PEX11G: variants seen among roughly 807,000 people sequenced by gnomAD.
The protein encoded by PEX11G is peroxisomal membrane protein 11C.
A neutral mutation model predicts 22.5 loss-of-function variants in PEX11G; 20 were observed. The observed-to-expected ratio is 0.89, with a 90% confidence interval of 0.62 to 1.29. The LOEUF (loss-of-function observed/expected upper bound fraction) is 1.29. Among genes scored for constraint, PEX11G ranks in the 50% most tolerant of loss-of-function variants. The pLI, the probability that PEX11G is intolerant of heterozygous loss-of-function variation, is 0.00. For synonymous variants in PEX11G, 141 were observed against 154.5 expected (o/e 0.91, Z 0.65); for missense variants, 347 against 331.3 (o/e 1.05, Z -0.37).
upstream of PEX11G, chr19:7,491,261 T>G (rs1260879799): frequency 6.9e-6 from 1 of 144,888 alleles, no homozygotes; most frequent in African/African-American, 2.6e-5. Context: ...TACCACTTCT[T>G]GATTTTTTTT....
rs148510273 is a variant in PEX11G at position 7,489,034 on chromosome 19, A to G, written c.-24T>C. 5 of 1,498,504 alleles carry G rather than the reference A, an allele frequency of 3.3e-6. No homozygotes were observed. The Admixed American group carries it at 6.7e-5, about 20-fold the overall frequency. 92.8% of individuals were successfully genotyped at this position (1,498,504 alleles called of 1,614,324 possible). On this transcript the variant is annotated 5_prime_UTR_variant, in exon 1 of 5. Transcript: ENST00000221480. ...ATGGCAACTCCGTGACGTCACCGCGACGTCGGCGCGCCGCGCCAGGGGGCG... is the reference window on the plus strand; with the variant it reads ...ATGGCAACTCCGTGACGTCACCGCGGCGTCGGCGCGCCGCGCCAGGGGGCG...
In PEX11G at chr19:7,482,203, G is replaced by T. The variant is rs765726661; in HGVS notation, c.258C>A (p.Asp86Glu). 1.8e-5 allele frequency: 28 copies of T among 1,565,056 alleles called. No individual in the cohort carries two copies. In the East Asian group the frequency reaches 4.3e-4, roughly 24 times the overall value. Residue 86 changes from aspartate to glutamate, a missense_variant, in exon 3 of 5, where the codon GAC (aspartate) becomes GAA (glutamate). Asp to Glu is a conservative substitution (Grantham distance 45, BLOSUM62 2). Transcript: ENST00000221480. Reference sequence around the variant, plus strand: ...GGACGGAGACACAGCGGACAAAGGCGTCCTCCTCCTGCAGGACCAGGAGCA... The same window carrying T: ...GGACGGAGACACAGCGGACAAAGGCTTCCTCCTCCTGCAGGACCAGGAGCA... ...KQYGLGAQEEDAFVRCVSVLG... is the reference protein window; with the variant it reads ...KQYGLGAQEEEAFVRCVSVLG...
chr19:7,481,770 G>T (rs1977497900), intron 3 of PEX11G, among the ~76,000 whole-genome samples: 1 of 150,894 alleles, frequency 6.6e-6, no homozygotes, highest in African/African-American at 2.4e-5. Context: ...AGCCCAGGGA[G>T]TGTTCTGACT....
At chr19:7,490,421 C>T (rs2021855281), upstream of PEX11G, among the ~76,000 whole-genome samples, 2 of 151,266 alleles carry the variant, frequency 1.3e-5, no homozygotes, top group Non-Finnish European at 1.5e-5. Context: ...CGCGGGTTCA[C>T]GCCATTCTTC....
At chr19:7,492,500 G>A (rs2021907969), upstream of PEX11G, among the ~76,000 whole-genome samples, 1 of 151,856 alleles carries the variant, frequency 6.6e-6, no homozygotes, top group African/African-American at 2.4e-5. Flanking sequence ...CTGGAGTGCA[G>A]TGCTGATCTC....
chr19:7,479,685 C>T (rs1386947644), intron 3 of PEX11G, among the ~76,000 whole-genome samples: 1 of 152,258 alleles, frequency 6.6e-6, no homozygotes, highest in Non-Finnish European at 1.5e-5. Context: ...AAGAATGCCG[C>T]AGCAGGCGGG....
intron 3 of PEX11G, among the ~76,000 whole-genome samples, chr19:7,481,717 C>T (rs918867814): frequency 1.3e-5 from 2 of 152,172 alleles, no homozygotes; most frequent in African/African-American, 2.4e-5. Flanking sequence ...GGAAACGGAC[C>T]TCCCCCTGGG....
chr19:7,484,515 G>A (rs144047607), intron 2 of PEX11G, among the ~76,000 whole-genome samples: 2 of 152,172 alleles, frequency 1.3e-5, no homozygotes, highest in African/African-American at 4.8e-5. Flanking sequence ...GCGCACACCT[G>A]TAATCCCAGC....
intron 3 of PEX11G, among the ~76,000 whole-genome samples, chr19:7,478,899 C>T (rs1811437446): frequency 6.6e-6 from 1 of 152,306 alleles, no homozygotes; most frequent in Non-Finnish European, 1.5e-5. Context: ...CTGGCATCTG[C>T]AGGCTGAGGA....
At position 7,488,980 on chromosome 19, in the gene PEX11G, G is replaced by C. The variant is rs760713078; in HGVS notation, c.31C>G (p.Leu11Val). 1 of 1,551,382 alleles carries C rather than the reference G, an allele frequency of 6.4e-7. No individual in the cohort carries two copies. The highest frequency in any genetic ancestry group is 1.9e-5 in the Admixed American group (1 of 52,360). The change falls in exon 1 of 5, where the codon CTG becomes GTG. Residue 11 changes from leucine (L) to valine (V), a missense_variant. Leu to Val is a conservative substitution (Grantham distance 32). Transcript: ENST00000221480. MASLSGLASA[L>V]ESYRGRDRLI... ...CGGTCCCGGCCCCTGTACGACTCCA[G>C]CGCCGACGCCAGGCCGCTCAGCGAC...
intron 1 of PEX11G, among the ~76,000 whole-genome samples, chr19:7,488,452 A>T (rs1416411759): frequency 6.6e-6 from 1 of 152,234 alleles, no homozygotes; most frequent in African/African-American, 2.4e-5. Context: ...CAAACACGGG[A>T]ATCTGGCCAG....
Position 7,482,121 on chromosome 19 carries a change from C to T in PEX11G, c.340G>A (p.Asp114Asn), listed in dbSNP as rs1259731129. 6.3e-7 allele frequency: 1 copy of T among 1,599,252 alleles called. No individual in the cohort carries two copies. The highest frequency in any genetic ancestry group is 8.5e-7 in the Non-Finnish European group (1 of 1,173,582). The change falls in exon 3 of 5, where the codon GAT becomes AAT. Residue 114 changes from aspartate to asparagine, a missense_variant. Transcript: ENST00000221480. ...YPCEHVAWAA[D>N]ARVLHVDSSR... ...GAGTCCACGTGGAGGACCCGGGCATCAGCCGCCCAGGCCACGTGCTCACAG... is the reference window on the plus strand; with the variant it reads ...GAGTCCACGTGGAGGACCCGGGCATTAGCCGCCCAGGCCACGTGCTCACAG...
chr19:7,486,888 C>A (rs376709634), intron 1 of PEX11G, among the ~76,000 whole-genome samples: 2 of 152,044 alleles, frequency 1.3e-5, no homozygotes, highest in East Asian at 1.9e-4. Flanking sequence ...CGTAAGCCAC[C>A]GCGCCTGGCT....
rs116780119 is a variant in PEX11G, at chr19:7,477,058, C to T, written c.*144G>A. 4,967 of 697,262 alleles carry T rather than the reference C, an allele frequency of 7.1e-3. 38 individuals carry two copies. Among genetic ancestry groups the T allele is most frequent in the Middle Eastern group, 0.022 (50 of 2,292 alleles). 43.2% of individuals were successfully genotyped at this position (697,262 alleles called of 1,614,324 possible). A position where few individuals can be genotyped will look rare whatever the true frequency, so the allele number is the denominator to read the frequency against. On this transcript the variant is annotated 3_prime_UTR_variant, in exon 5 of 5. Transcript: ENST00000221480. ...CTCCAGGCTGAGGCCTGGGGGACCT[C>T]GCATCAGTCCCTCCACCCACCCTGC...
chr19:7,492,639 G>A (rs938719750), upstream of PEX11G, among the ~76,000 whole-genome samples: 5 of 152,082 alleles, frequency 3.3e-5, no homozygotes, highest in East Asian at 7.7e-4. Context: ...ACGGGGTTTC[G>A]CCATGTTGGC....
At chr19:7,486,053 T>C (rs1303015804) in intron 1 of PEX11G, 27 bp from the exon 2 acceptor site, 1 of 1,562,474 alleles carries the variant, frequency 6.4e-7, no homozygotes, top group Non-Finnish European at 8.7e-7. Context: ...GCAGTCAGTG[T>C]GGCCCTCCTG....
intron 2 of PEX11G, among the ~76,000 whole-genome samples, chr19:7,485,181 T>C (rs139536239): frequency 0.018 from 2,782 of 152,224 alleles, 38 homozygotes; most frequent in South Asian, 0.035. Context: ...TTTGTTTGTT[T>C]TATTTGAGAT....
At chr19:7,489,640 A>T, upstream of PEX11G, 1 of 289,824 alleles carries the variant, frequency 3.5e-6, no homozygotes, top group Non-Finnish European at 5.1e-6. Flanking sequence ...CCCCCGTAGG[A>T]GACCAGCATA....
upstream of PEX11G, among the ~76,000 whole-genome samples, chr19:7,490,204 C>T (rs1012572252): frequency 1.3e-5 from 2 of 151,930 alleles, no homozygotes; most frequent in Non-Finnish European, 2.9e-5. Context: ...AAATTTGCTG[C>T]TATATGTTGA....
Sources: allele counts gnomAD v4.1 joint callset (sites outside exome capture counted in the v4.1 genomes callset), GRCh38; gene constraint gnomAD v4.1.1; transcripts MANE v1.5; gene names NCBI Gene and HGNC (gene_info 2026-07-23, HGNC 2026-07-21).